PIK3AP1: variants seen among roughly 807,000 people sequenced by gnomAD.
PIK3AP1 encodes the protein phosphoinositide 3-kinase adapter protein 1.
PIK3AP1 carries 21 observed loss-of-function variants against 88.1 expected under a neutral mutation model. The ratio of observed to expected loss-of-function variants is 0.24; its 90% CI spans 0.17 to 0.34. The LOEUF is 0.34. PIK3AP1 is among the 10% of genes least tolerant of loss of function. PIK3AP1 has a pLI of 1.00. For synonymous variants in PIK3AP1, 398 were observed against 400.0 expected (o/e 1.00, Z 0.06); for missense variants, 828 against 1,035.7 (o/e 0.80, Z 2.75).
At position 96,645,596 on chromosome 10, in the gene PIK3AP1, C is replaced by T. The variant is rs562166763; in HGVS notation, c.1252G>A (p.Val418Met). ...ELMHGEEADA[V>M]YESMAHLSTD... is the part of the protein sequence containing the mutation. ...GAAAGGTGGGCCATGGACTCGTACA[C>T]AGCATCAGCCTCCTCCCCGTGCATC... The change falls in exon 8 of 17, where the codon GTG becomes ATG. Residue 418 changes from valine to methionine, a missense_variant. Physicochemically the swap from Val to Met is conservative, Grantham distance 21. Transcript: ENST00000339364. 4 of 1,613,262 alleles carry T rather than the reference C, an allele frequency of 2.5e-6. No individual in the cohort carries two copies. Among genetic ancestry groups the T allele is most frequent in the Admixed American group, 1.7e-5 (1 of 59,916 alleles).
chr10:96,625,111 C>T (rs1293272252), intron 10 of PIK3AP1, among the ~76,000 whole-genome samples: 1 of 152,158 alleles, frequency 6.6e-6, no homozygotes, highest in Non-Finnish European at 1.5e-5. Flanking sequence ...CTAGGAATGA[C>T]TAGAACACAA....
intron 2 of PIK3AP1, among the ~76,000 whole-genome samples, chr10:96,690,325 C>CA (rs1424003746): frequency 1.3e-5 from 2 of 152,154 alleles, no homozygotes; most frequent in Admixed American, 6.5e-5. Flanking sequence ...TGCAGTGGTG[C>CA]AATCACAGCT....
chr10:96,661,838 AG>A (rs1564975074), intron 2 of PIK3AP1, among the ~76,000 whole-genome samples: 20 of 131,002 alleles, frequency 1.5e-4, no homozygotes, highest in Admixed American at 1.3e-3. Context: ...AGGAAAGGAA[AG>A]GGAAAAGGGA....
intron 2 of PIK3AP1, among the ~76,000 whole-genome samples, chr10:96,673,880 G>C (rs1304718667): frequency 6.6e-6 from 1 of 152,182 alleles, no homozygotes; most frequent in Non-Finnish European, 1.5e-5. Flanking sequence ...TCCCAGGAAA[G>C]GCTGAAACGG....
chr10:96,603,653 T>C (rs1033589056), intron 15 of PIK3AP1: 22 of 91,582 alleles, frequency 2.4e-4, no homozygotes, highest in African/African-American at 7.5e-4. Context: ...TGTGATTGTG[T>C]GAGTTAATAC....
intron 2 of PIK3AP1, among the ~76,000 whole-genome samples, chr10:96,661,185 C>A (rs1350609462): frequency 1.3e-5 from 2 of 148,826 alleles, no homozygotes; most frequent in African/African-American, 4.9e-5. Flanking sequence ...AAAACTCCAT[C>A]TAAAAAAAAA....
Position 96,595,518 on chromosome 10 carries a change from A to G in PIK3AP1, c.*59T>C. 1 of 1,508,100 alleles carries G rather than the reference A, an allele frequency of 6.6e-7. No homozygotes were observed. The allele number at this position is 1,508,100 out of a possible 1,614,324, so 93.4% of individuals were successfully genotyped here. A position where few individuals can be genotyped will look rare whatever the true frequency, so the allele number is the denominator to read the frequency against. ...TAAAACTCAACATGAAGACATCATT[A>G]ACAGGCTGAAGACTGTGAGTCTTAA... On this transcript the variant is annotated 3_prime_UTR_variant, in exon 17 of 17. Transcript: ENST00000339364.
At chr10:96,603,267 C>T (rs1249375172) in intron 15 of PIK3AP1, among the ~76,000 whole-genome samples, 7 of 152,174 alleles carry the variant, frequency 4.6e-5, no homozygotes, top group African/African-American at 1.4e-4. Flanking sequence ...AGTCTTAAAA[C>T]GTTTTCATCA....
At chr10:96,636,238 A>G (rs182773959) in intron 8 of PIK3AP1, among the ~76,000 whole-genome samples, 105 of 152,068 alleles carry the variant, frequency 6.9e-4, no homozygotes, top group Non-Finnish European at 5.1e-4. Flanking sequence ...ATAAATAAAT[A>G]AAATAATACA....
intron 16 of PIK3AP1, among the ~76,000 whole-genome samples, chr10:96,598,872 A>G (rs977689172): frequency 6.6e-6 from 1 of 152,242 alleles, no homozygotes; most frequent in South Asian, 2.1e-4. Context: ...CTCACTGGGA[A>G]TGCTGAAGTG....
chr10:96,641,086 C>CGT (rs56816682), intron 8 of PIK3AP1, among the ~76,000 whole-genome samples: 16,140 of 143,166 alleles, frequency 0.11, 926 homozygotes, highest in Non-Finnish European at 0.13. Flanking sequence ...GTGAGTGTGC[C>CGT]GTGTGTGTGT....
chr10:96,656,301 T>C (rs1425170969), intron 3 of PIK3AP1, among the ~76,000 whole-genome samples: 1 of 152,230 alleles, frequency 6.6e-6, no homozygotes, highest in Non-Finnish European at 1.5e-5. Context: ...GCTAGTCATA[T>C]GATGTATGGC....
intron 2 of PIK3AP1, 25 bp downstream of exon 2, chr10:96,709,542 G>A (rs1311535983): frequency 2.5e-6 from 4 of 1,573,388 alleles, no homozygotes; most frequent in Non-Finnish European, 8.6e-7. Flanking sequence ...TCTAGGGCTT[G>A]CTTATCTTTA....
At chr10:96,636,751 C>T (rs565576103) in intron 8 of PIK3AP1, among the ~76,000 whole-genome samples, 2 of 152,340 alleles carry the variant, frequency 1.3e-5, no homozygotes, top group East Asian at 1.9e-4. Context: ...GGGCCACAGC[C>T]TCCTTCTGGA....
chr10:96,636,986 T>TA (rs1281472102), intron 8 of PIK3AP1, among the ~76,000 whole-genome samples: 1 of 152,226 alleles, frequency 6.6e-6, no homozygotes, highest in Admixed American at 6.5e-5. Context: ...TATATGCTGT[T>TA]AATTTAATAG....
At chr10:96,666,453 T>C (rs1047139670) in intron 2 of PIK3AP1, among the ~76,000 whole-genome samples, 2 of 152,106 alleles carry the variant, frequency 1.3e-5, no homozygotes, top group African/African-American at 4.8e-5. Flanking sequence ...TAAATATGTC[T>C]ATGCATATTT....
chr10:96,615,491 G>T (rs896052746), intron 13 of PIK3AP1, among the ~76,000 whole-genome samples: 7 of 152,172 alleles, frequency 4.6e-5, no homozygotes, highest in African/African-American at 1.4e-4. Flanking sequence ...GGTTAGAAAT[G>T]ACCAGATTTA....
chr10:96,692,512 T>C (rs114179081), intron 2 of PIK3AP1, among the ~76,000 whole-genome samples: 4 of 151,440 alleles, frequency 2.6e-5, no homozygotes, highest in Admixed American at 2.0e-4. Flanking sequence ...AGCTGGAGAT[T>C]GCAGTGAGCC....
At position 96,609,878 on chromosome 10, in the gene PIK3AP1, A is replaced by T; in HGVS notation, c.2015-11T>A. ...CCGTGATCTCCAAGTCTGGAATTGG[A>T]GGAAAGAGGGATAAGCTGTCAAGAT... is the stretch of plus-strand genomic sequence containing the variant. On this transcript the variant is annotated splice_polypyrimidine_tract_variant and intron_variant, in intron 13 of 16. Transcript: ENST00000339364. 6.2e-7 allele frequency: 1 copy of T among 1,613,662 alleles called. No individual in the cohort carries two copies. Among genetic ancestry groups the T allele is most frequent in the Non-Finnish European group, 8.5e-7 (1 of 1,179,666 alleles).
Sources: allele counts gnomAD v4.1 joint callset (sites outside exome capture counted in the v4.1 genomes callset), GRCh38; gene constraint gnomAD v4.1.1; transcripts MANE v1.5; gene names NCBI Gene and HGNC (gene_info 2026-07-23, HGNC 2026-07-21).